Variants in SDK2 observed in about 807,000 individuals in gnomAD.
The protein encoded by SDK2 is protein sidekick-2.
A neutral mutation model predicts 253.9 loss-of-function variants in SDK2; 105 were observed. The ratio of observed to expected loss-of-function variants is 0.41; its 90% CI spans 0.35 to 0.49. SDK2 has a LOEUF of 0.49. SDK2 is among the 20% of genes least tolerant of loss of function. SDK2 has a pLI of 0.06. For missense variants in SDK2, 2,608 were observed against 3,003.0 expected (o/e 0.87, Z 3.07); for synonymous variants, 1,249 against 1,234.9 (o/e 1.01, Z -0.24).
chr17:73,477,413 G>C (rs1449096882), intron 2 of SDK2, among the ~76,000 whole-genome samples: 1 of 152,116 alleles, frequency 6.6e-6, no homozygotes, highest in East Asian at 1.9e-4. Context: ...TGCAGTGTTG[G>C]AGAAGGCACC....
chr17:73,580,996 G>A (rs2045527362), intron 1 of SDK2, among the ~76,000 whole-genome samples: 1 of 152,042 alleles, frequency 6.6e-6, no homozygotes, highest in Non-Finnish European at 1.5e-5. Context: ...GGGCTCAAGT[G>A]TCTCAGCCTT....
intron 36 of SDK2, among the ~76,000 whole-genome samples, chr17:73,377,209 CTTTTT>C (rs1255018965): frequency 7.0e-6 from 1 of 143,518 alleles, no homozygotes; most frequent in Non-Finnish European, 1.5e-5. Context: ...AGACACATTC[CTTTTT>C]TTTTTTTCTT....
At chr17:73,472,091 C>T (rs958458198) in intron 3 of SDK2, 21 bp downstream of exon 3, 1 of 1,535,742 alleles carries the variant, frequency 6.5e-7, no homozygotes, top group Admixed American at 2.0e-5. Flanking sequence ...CCCCCTGCCC[C>T]TGGGTCCCCA....
In SDK2 at chr17:73,447,292, A is replaced by G. The variant is rs1039069192; in HGVS notation, c.613+323T>C. Among the ~76,000 whole-genome samples the G allele has an allele frequency of 1.3e-5, 2 of 151,596 alleles. No homozygotes were observed. The highest frequency in any genetic ancestry group is 4.8e-5 in the African/African-American group (2 of 41,252). Reference sequence around the variant, plus strand: ...TGAGCCCCGATAGTGGCTGCAACTCACACATGCACACGCTCTTCCTCTGCC... The same window carrying G: ...TGAGCCCCGATAGTGGCTGCAACTCGCACATGCACACGCTCTTCCTCTGCC... On this transcript the variant is annotated intron_variant, in intron 5 of 44. Coordinates refer to ENST00000392650, the MANE Select transcript of SDK2 (RefSeq NM_001144952.2). This position sits in a 1 kb window ranked among gnomAD's most constrained non-coding sequence, Gnocchi z 4.0.
intron 37 of SDK2, among the ~76,000 whole-genome samples, chr17:73,368,001 C>G (rs997564436): frequency 6.6e-6 from 1 of 152,160 alleles, no homozygotes; most frequent in Non-Finnish European, 1.5e-5. Flanking sequence ...TGTTGTGTCC[C>G]TAGCATCTAG....
chr17:73,514,467 T>C (rs2064007150), intron 1 of SDK2, among the ~76,000 whole-genome samples: 1 of 152,200 alleles, frequency 6.6e-6, no homozygotes, highest in Admixed American at 6.5e-5. Flanking sequence ...CCCCAGGCTG[T>C]GTCCATCTCA....
At chr17:73,389,432 C>T (rs2062908034) in intron 29 of SDK2, among the ~76,000 whole-genome samples, 1 of 152,182 alleles carries the variant, frequency 6.6e-6, no homozygotes, top group Non-Finnish European at 1.5e-5. Flanking sequence ...GATCCACCTG[C>T]CTCGGCCTCC....
At chr17:73,412,019 CGTATAT>C (rs1568389177) in intron 18 of SDK2, among the ~76,000 whole-genome samples, 2 of 49,044 alleles carry the variant, frequency 4.1e-5, no homozygotes, top group East Asian at 7.3e-4. Flanking sequence ...TGTAGATATA[CGTATAT>C]GTATATATAC....
intron 40 of SDK2, among the ~76,000 whole-genome samples, chr17:73,356,603 G>A (rs1475563638): frequency 6.6e-6 from 1 of 152,182 alleles, no homozygotes; most frequent in African/African-American, 2.4e-5. Context: ...GAAGGGGCAG[G>A]GGGCATGGAG....
At chr17:73,536,244 G>A (rs1290689967) in intron 1 of SDK2, among the ~76,000 whole-genome samples, 1 of 152,182 alleles carries the variant, frequency 6.6e-6, no homozygotes, top group Non-Finnish European at 1.5e-5. Flanking sequence ...CTGCCCTAGA[G>A]GCCATCCTTT....
chr17:73,438,058 G>A lies in SDK2; in HGVS notation c.822C>T (p.Pro274=), dbSNP rs754646869. The change falls in exon 7 of 45, where the codon CCC becomes CCT. Residue 274 remains proline (P), a synonymous_variant. Transcript: ENST00000392650. ...CGTAGTAGCCGGCGTCACTGCCGGT[G>A]GGGTTGGGGATGGTGAGCCGGCGGT... ...DHNRRLTIPN[P]TGSDAGYYEC... The A allele has an allele frequency of 3.9e-6, 6 of 1,551,584 alleles. No homozygotes were observed. Among genetic ancestry groups the A allele is most frequent in the Non-Finnish European group, 5.2e-6 (6 of 1,147,026 alleles).
At chr17:73,400,268 C>T (rs1387201868) in intron 21 of SDK2, among the ~76,000 whole-genome samples, 3 of 152,164 alleles carry the variant, frequency 2.0e-5, no homozygotes, top group African/African-American at 7.2e-5. Context: ...GAGAGTGGAC[C>T]TCGGCTTGCT....
rs954692209 is a variant in SDK2, at chr17:73,379,903, C to T, written c.4763-354G>A. Among the ~76,000 whole-genome samples the T allele has an allele frequency of 2.0e-5, 3 of 152,274 alleles. No individual in the cohort carries two copies. The highest frequency in any genetic ancestry group is 2.0e-4 in the Admixed American group (3 of 15,292). ...TGGACATAGGGTCACCCCCTACCCC[C>T]AGCCTGTCCTCTTTCCCCACCGTGA... On this transcript the variant is annotated intron_variant, in intron 34 of 44. Transcript: ENST00000392650. This position sits in a 1 kb window ranked among gnomAD's most constrained non-coding sequence, Gnocchi z 4.5.
At chr17:73,550,065 C>T (rs1012789951) in intron 1 of SDK2, among the ~76,000 whole-genome samples, 2 of 152,208 alleles carry the variant, frequency 1.3e-5, no homozygotes, top group African/African-American at 4.8e-5. Context: ...CCCCGGGTTT[C>T]TCCCTCTGGT....
At chr17:73,604,767 G>A (rs996361656) in intron 1 of SDK2, among the ~76,000 whole-genome samples, 2 of 152,200 alleles carry the variant, frequency 1.3e-5, no homozygotes, top group East Asian at 1.9e-4. Context: ...GGGCGGTGGG[G>A]CTAAGGGAAG....
At chr17:73,588,996 G>A (rs1337410852) in intron 1 of SDK2, among the ~76,000 whole-genome samples, 1 of 152,272 alleles carries the variant, frequency 6.6e-6, no homozygotes, top group Non-Finnish European at 1.5e-5. Context: ...GGGCCCCAGA[G>A]CAAGTGAAGC....
At chr17:73,414,034 C>T (rs2345422) in intron 18 of SDK2, among the ~76,000 whole-genome samples, 149,766 of 151,884 alleles carry the variant, frequency 0.99, 73,868 homozygotes, top group East Asian at 1. Flanking sequence ...TCTTTTTCTT[C>T]TTTTTCTCTC....
intron 3 of SDK2, among the ~76,000 whole-genome samples, chr17:73,471,242 C>T (rs1482129322): frequency 2.0e-5 from 3 of 152,126 alleles, no homozygotes; most frequent in African/African-American, 4.8e-5. Context: ...CCAGCACCCC[C>T]GGAAGATCAC....
At chr17:73,522,010 C>T (rs974766704) in intron 1 of SDK2, among the ~76,000 whole-genome samples, 4 of 152,222 alleles carry the variant, frequency 2.6e-5, no homozygotes, top group African/African-American at 4.8e-5. Context: ...GAACTATTCA[C>T]GGCCTCACTT....
Sources: gnomAD v4.1 joint callset for allele counts (sites outside exome capture counted in the v4.1 genomes callset) on GRCh38, gnomAD v4.1.1 for gene constraint, Gnocchi (gnomAD v3.1) non-coding constraint, MANE v1.5 for transcripts, NCBI Gene and HGNC (gene_info 2026-07-23, HGNC 2026-07-21) for gene names.